The following PCID2 variants were observed in gnomAD, a reference collection of about 807,000 sequenced individuals.
PCID2 encodes PCI domain-containing protein 2.
In PCID2, 41 loss-of-function variants were observed where a neutral mutation model predicts 61.3. The observed-to-expected ratio is 0.67, with a 90% CI of 0.52 to 0.87. The LOEUF (loss-of-function observed/expected upper bound fraction) is 0.87. PCID2 is among the 40% of genes least tolerant of loss of function. The probability of loss-of-function intolerance (pLI) is 0.00; values close to 1 mark genes in which losing one functional copy is unlikely to be tolerated. For synonymous variants in PCID2, 187 were observed against 177.8 expected, an observed-to-expected ratio of 1.05 and a Z score of -0.41; for missense variants, 392 against 493.4, an observed-to-expected ratio of 0.79 and a Z score of 1.95.
intron 1 of PCID2, among the ~76,000 whole-genome samples, chr13:113,206,912 A>T (rs1253439052): frequency 6.6e-6 from 1 of 152,106 alleles, no homozygotes; most frequent in East Asian, 1.9e-4. Context: ...AGTCTTTCCC[A>T]TCATGTGACT....
intron 5 of PCID2, 145 bp downstream of exon 5, chr13:113,196,036 G>A (rs1019364161): frequency 7.2e-5 from 45 of 622,978 alleles, no homozygotes; most frequent in Admixed American, 6.5e-5. Context: ...CCACTCATCT[G>A]TGTAGATATT....
chr13:113,173,170 T>C (rs1200402336), downstream of PCID2, among the ~76,000 whole-genome samples: 1 of 152,162 alleles, frequency 6.6e-6, no homozygotes, highest in African/African-American at 2.4e-5. Context: ...GAGTTTCTGT[T>C]ATCACCCAGT....
chr13:113,195,579 A>G (rs377166632), intron 5 of PCID2, among the ~76,000 whole-genome samples: 108 of 152,298 alleles, frequency 7.1e-4, no homozygotes, highest in African/African-American at 2.5e-3. Flanking sequence ...ACGTTAAAAG[A>G]TAAAAGGGTG....
At chr13:113,183,737 C>G (rs554532104) in intron 9 of PCID2, 2 of 982,980 alleles carry the variant, frequency 2.0e-6, no homozygotes, top group Non-Finnish European at 2.4e-6. Context: ...CCGTGACAGC[C>G]GATAAAAATT....
intron 13 of PCID2, chr13:113,178,536 C>T (rs935874600): frequency 2.7e-5 from 12 of 437,096 alleles, no homozygotes; most frequent in African/African-American, 1.4e-4. Flanking sequence ...GTAATGAACA[C>T]GTACAGACGC....
At chr13:113,184,644 T>C (rs1003792937) in intron 8 of PCID2, among the ~76,000 whole-genome samples, 157 bp from the exon 9 acceptor site, 2 of 152,286 alleles carry the variant, frequency 1.3e-5, no homozygotes, top group Admixed American at 6.5e-5. Context: ...GCAGCCAGCA[T>C]AGATGGCATT....
intron 1 of PCID2, among the ~76,000 whole-genome samples, chr13:113,203,525 A>G (rs368736856): frequency 7.2e-4 from 109 of 152,324 alleles, no homozygotes; most frequent in African/African-American, 2.5e-3. Context: ...TCACCATGCT[A>G]CAGATCAGTA....
intron 9 of PCID2, among the ~76,000 whole-genome samples, chr13:113,182,701 C>T (rs1407321143): frequency 2.6e-5 from 4 of 152,082 alleles, no homozygotes; most frequent in East Asian, 1.9e-4. Flanking sequence ...GGGGTTTCAC[C>T]GTGGTCTCGA....
At chr13:113,182,827 T>G (rs1250791732) in intron 9 of PCID2, among the ~76,000 whole-genome samples, 3 of 152,360 alleles carry the variant, frequency 2.0e-5, no homozygotes, top group South Asian at 4.1e-4. Context: ...AGCTGAGATT[T>G]TTCTGCTGTC....
chr13:113,168,396 T>C, the PCID2 span, among the ~76,000 whole-genome samples: 1 of 152,192 alleles, frequency 6.6e-6, no homozygotes, highest in Non-Finnish European at 1.5e-5. Flanking sequence ...TCTTTGTTCA[T>C]CTTCATCTAT....
chr13:113,190,858 A>C lies in PCID2; in HGVS notation c.467+14T>G, dbSNP rs200413411. On this transcript the variant is annotated intron_variant, in intron 7 of 13. Coordinates refer to ENST00000337344, the MANE Select transcript of PCID2 (RefSeq NM_001127202.4). Reference sequence around the variant, plus strand: ...CAACAGCGTCTGGTGGTCGGTCCTCAAGTCCTTACTCACGTGTCGCTGGCA... The same window carrying C: ...CAACAGCGTCTGGTGGTCGGTCCTCCAGTCCTTACTCACGTGTCGCTGGCA... The C allele has an allele frequency of 2.2e-5, 34 of 1,568,834 alleles. No homozygotes were observed. The African/African-American group carries it at 4.2e-4, about 19-fold the overall frequency.
intron 13 of PCID2, 91 bp from the exon 14 acceptor site, chr13:113,178,378 T>C (rs2037300456): frequency 2.2e-6 from 2 of 914,400 alleles, no homozygotes; most frequent in South Asian, 1.4e-5. Context: ...GGCATTAGCA[T>C]TCTTCCCCAA....
At chr13:113,208,437 G>C in intron 1 of PCID2, 162 bp downstream of exon 1, 1 of 1,506,128 alleles carries the variant, frequency 6.6e-7, no homozygotes, top group East Asian at 2.5e-5. Flanking sequence ...CCCGAGTCCC[G>C]GCCGCCGCTG....
At position 113,204,029 on chromosome 13, in the gene PCID2, C is replaced by G. The variant is rs1363248645; in HGVS notation, c.37-3513G>C. 5.3e-5 allele frequency among the ~76,000 whole-genome samples: 8 copies of G among 152,240 alleles called. No homozygotes were observed. In the East Asian group the frequency reaches 1.2e-3, roughly 22 times the overall value. ...AGGGGCTTCTGGCTAGAAAGCGGTT[C>G]TGGAGCCTGCTGGCCAAGCCGTGCT... On this transcript the variant is annotated intron_variant, in intron 1 of 13. Coordinates refer to ENST00000337344, the MANE Select transcript of PCID2 (RefSeq NM_001127202.4).
chr13:113,195,451 AAAG>A (rs2038941258), intron 5 of PCID2, among the ~76,000 whole-genome samples: 1 of 152,212 alleles, frequency 6.6e-6, no homozygotes, highest in East Asian at 1.9e-4. Flanking sequence ...CACCACTAAA[AAAG>A]AAGTGGTTTG....
At chr13:113,170,662 G>T in the PCID2 span, 1 of 670,980 alleles carries the variant, frequency 1.5e-6, no homozygotes. Flanking sequence ...CAATAAAACT[G>T]AGATACTTAT....
At chr13:113,194,779 T>C (rs1566968056) in intron 6 of PCID2, among the ~76,000 whole-genome samples, 1 of 152,192 alleles carries the variant, frequency 6.6e-6, no homozygotes, top group South Asian at 2.1e-4. Flanking sequence ...AATAAGCTCA[T>C]TTGTTGTTGT....
the PCID2 span, among the ~76,000 whole-genome samples, chr13:113,170,908 T>C: frequency 2.0e-5 from 3 of 150,654 alleles, no homozygotes; most frequent in Admixed American, 2.0e-4. Flanking sequence ...TCTCATCGGC[T>C]TATCTGTGCC....
chr13:113,181,192 G>A lies in PCID2; in HGVS notation c.724C>T (p.Arg242Cys), dbSNP rs374570717. Residue 242 changes from arginine (R) to cysteine (C), a missense_variant, in exon 10 of 14, where the codon CGT becomes TGT. Physicochemically the swap from Arg to Cys is radical, Grantham distance 180 (BLOSUM62 -3). Coordinates refer to ENST00000337344, the MANE Select transcript of PCID2 (RefSeq NM_001127202.4). ...YLSFAFEHCH[R>C]SSQKNKRMIL... ...ATCCTTTTGTTCTTCTGACTAGAAC[G>A]GTGACAATGCTCAAAGGCAAATGAC... The A allele has an allele frequency of 5.6e-5, 91 of 1,613,632 alleles. 1 individual carries two copies. The African/African-American group carries it at 1.1e-3, about 19-fold the overall frequency.
Sources: allele counts gnomAD v4.1 joint callset (sites outside exome capture counted in the v4.1 genomes callset), GRCh38; gene constraint gnomAD v4.1.1; transcripts MANE v1.5; gene names NCBI Gene and HGNC (gene_info 2026-07-23, HGNC 2026-07-21).